NRDC: variants seen among roughly 807,000 people sequenced by gnomAD.
NRDC encodes the protein nardilysin convertase.
Under a neutral mutation model 147.1 loss-of-function variants are expected in NRDC, and 54 were observed. That is an observed-to-expected ratio of 0.37 (90% CI 0.29 to 0.46). The LOEUF is 0.46. Ranked by LOEUF, NRDC falls within the 20% of genes least tolerant of loss-of-function variation. The pLI is 1.00. For synonymous variants in NRDC, 440 were observed against 482.1 expected (o/e 0.91, Z 1.14); for missense variants, 1,082 against 1,370.6 (o/e 0.79, Z 3.33).
At chr1:51,808,038 T>C (rs888121759) in intron 17 of NRDC, among the ~76,000 whole-genome samples, 1 of 152,156 alleles carries the variant, frequency 6.6e-6, no homozygotes, top group Non-Finnish European at 1.5e-5. Context: ...ACTCCTGACC[T>C]CAGGTGATGT....
rs752077702 is a variant in NRDC at position 51,794,782 on chromosome 1, G to A, written c.2636+41C>T. 25 of 1,611,446 alleles carry A rather than the reference G, an allele frequency of 1.6e-5. No homozygotes were observed. The East Asian group carries it at 5.3e-4, about 34-fold the overall frequency. On this transcript the variant is annotated intron_variant, in intron 23 of 30. Coordinates refer to ENST00000352171, the MANE Select transcript of NRDC (RefSeq NM_001101662.2). ...ATTGTGGCTCCATGCCCTCTCGCTG[G>A]TAAGAACACATAACCCCAAAGAGAA...
chr1:51,861,036 G>A (rs2124074937), intron 1 of NRDC, among the ~76,000 whole-genome samples: 1 of 149,444 alleles, frequency 6.7e-6, no homozygotes, highest in Non-Finnish European at 1.5e-5. Flanking sequence ...TGCAACCTCC[G>A]CCTCCCATGG....
rs761444908 is a variant in NRDC, at chr1:51,803,840, C to T, written c.2287G>A (p.Val763Met). The part of the protein sequence containing the change: ...VAGEHGLIIR[V>M]KGFNHKLPLL... ...GGTAGTTTGTGGTTAAATCCTTTCA[C>T]TCGAATAATTAAACCATGTTCTCCA... is the stretch of plus-strand genomic sequence containing the variant. The change falls in exon 20 of 31, where the codon GTG becomes ATG. Residue 763 changes from valine to methionine, a missense_variant. Around this residue, in one of 3 missense-constraint regions of NRDC, gnomAD observed 635 missense variants for 923.8 expected, o/e 0.69. Transcript: ENST00000352171. 6.2e-7 allele frequency: 1 copy of T among 1,613,344 alleles called. No homozygotes were observed. Among genetic ancestry groups the T allele is most frequent in the Non-Finnish European group, 8.5e-7 (1 of 1,179,708 alleles).
At chr1:51,801,060 C>A in intron 20 of NRDC, 1 of 156,846 alleles carries the variant, frequency 6.4e-6, no homozygotes, top group South Asian at 2.0e-4. Flanking sequence ...CCAGGCTGGT[C>A]TCAAACTCGT....
intron 1 of NRDC, among the ~76,000 whole-genome samples, chr1:51,867,371 C>A (rs1309586854): frequency 6.6e-6 from 1 of 151,266 alleles, no homozygotes; most frequent in African/African-American, 2.4e-5. Context: ...AGACAATGCA[C>A]AAGTAAATTT....
At chr1:51,789,724 G>T in intron 29 of NRDC, 67 bp from the exon 30 acceptor site, 1 of 1,106,298 alleles carries the variant, frequency 9.0e-7, no homozygotes, top group Non-Finnish European at 1.4e-6. Flanking sequence ...CTAACCCCCA[G>T]GCAGATGTCC....
chr1:51,866,637 CAAAT>C (rs1557940121), intron 1 of NRDC, among the ~76,000 whole-genome samples: 1 of 149,514 alleles, frequency 6.7e-6, no homozygotes, highest in Non-Finnish European at 1.5e-5. Context: ...TTGGTTAACA[CAAAT>C]AACTAGAATT....
intron 14 of NRDC, among the ~76,000 whole-genome samples, chr1:51,813,611 A>G (rs187361878): frequency 7.9e-5 from 12 of 152,282 alleles, no homozygotes; most frequent in African/African-American, 2.6e-4. Context: ...GCCTATTTCA[A>G]TCAAGGAAAA....
intron 3 of NRDC, among the ~76,000 whole-genome samples, chr1:51,834,633 C>A (rs2149218249): frequency 6.6e-6 from 1 of 152,060 alleles, no homozygotes; most frequent in Middle Eastern, 3.4e-3. Context: ...ATACTTTCTT[C>A]ATTACATTTG....
rs1285244319 is a variant in NRDC at position 51,794,538 on chromosome 1, G to C, written c.2709C>G (p.His903Gln). 3 of 1,614,024 alleles carry C rather than the reference G, an allele frequency of 1.9e-6. No homozygotes were observed. Among genetic ancestry groups the C allele is most frequent in the Non-Finnish European group, 2.5e-6 (3 of 1,180,016 alleles). ...QFQVVELPSGHHLCKVKALNK... is the reference protein window; with the variant it reads ...QFQVVELPSGQHLCKVKALNK... ...TCAGAGCTTTCACTTTGCATAGATG[G>C]TGGCCACTGGGCAGCTCTACCACCT... Residue 903 changes from histidine (H) to glutamine (Q), a missense_variant, in exon 24 of 31, where the codon CAC becomes CAG. This residue lies in a region of NRDC where 635 missense variants were observed against 923.8 expected (regional missense o/e 0.69). Transcript: ENST00000352171.
At chr1:51,859,276 T>G (rs1391754640) in intron 1 of NRDC, among the ~76,000 whole-genome samples, 1 of 152,262 alleles carries the variant, frequency 6.6e-6, no homozygotes, top group Non-Finnish European at 1.5e-5. Context: ...TATGTGTTAC[T>G]TGTATGTAAT....
chr1:51,866,084 T>C (rs1191256877), intron 1 of NRDC, among the ~76,000 whole-genome samples: 1 of 151,822 alleles, frequency 6.6e-6, no homozygotes, highest in Admixed American at 6.6e-5. Context: ...TTCTTAAAAT[T>C]AGCTGGGCGT....
At chr1:51,794,637 G>A in intron 23 of NRDC, 27 bp from the exon 24 acceptor site, 2 of 1,611,224 alleles carry the variant, frequency 1.2e-6, no homozygotes, top group Non-Finnish European at 8.5e-7. Context: ...ATGGGTCACT[G>A]AGGCACCCAA....
chr1:51,878,227 A>G, intron 1 of NRDC, 48 bp downstream of exon 1: 1 of 1,550,306 alleles, frequency 6.5e-7, no homozygotes, highest in Non-Finnish European at 8.8e-7. Context: ...GCACCGACAG[A>G]GAAGCCGGCA....
At chr1:51,871,643 C>T (rs1045181579) in intron 1 of NRDC, among the ~76,000 whole-genome samples, 3 of 148,524 alleles carry the variant, frequency 2.0e-5, no homozygotes, top group Non-Finnish European at 4.4e-5. Context: ...GCCTTAGAGA[C>T]ATTAGTTAAC....
At chr1:51,851,484 T>G (rs568578545) in intron 1 of NRDC, among the ~76,000 whole-genome samples, 179 of 152,014 alleles carry the variant, frequency 1.2e-3, no homozygotes, top group African/African-American at 4.2e-3. Flanking sequence ...AAGTTCTATT[T>G]CCTTTGTAGC....
At chr1:51,840,909 T>C (rs1571890254) in intron 1 of NRDC, among the ~76,000 whole-genome samples, 1 of 152,194 alleles carries the variant, frequency 6.6e-6, no homozygotes, top group African/African-American at 2.4e-5. Flanking sequence ...CTAAGATAAA[T>C]TGTATCCCTC....
At chr1:51,869,810 C>T (rs1456778341) in intron 1 of NRDC, among the ~76,000 whole-genome samples, 1 of 152,198 alleles carries the variant, frequency 6.6e-6, no homozygotes. Context: ...TATACAATAT[C>T]AGCATACGCA....
chr1:51,866,284 G>A (rs757669260), intron 1 of NRDC, among the ~76,000 whole-genome samples: 3 of 152,028 alleles, frequency 2.0e-5, no homozygotes, highest in Non-Finnish European at 4.4e-5. Flanking sequence ...AGAACGTAAA[G>A]AAGCAGGAAC....
Sources: gnomAD v4.1 joint callset for allele counts (sites outside exome capture counted in the v4.1 genomes callset) on GRCh38, gnomAD v4.1.1 for gene constraint, gnomAD v4.1.1 regional missense constraint, MANE v1.5 for transcripts, NCBI Gene and HGNC (gene_info 2026-07-23, HGNC 2026-07-21) for gene names.